The following ELK4 variants were observed in gnomAD, a reference collection of about 807,000 sequenced individuals.
ELK4 encodes ETS domain-containing protein Elk-4.
ELK4 carries 16 observed loss-of-function variants against 29.6 expected under a neutral mutation model. The observed-to-expected ratio is 0.54, with a 90% CI of 0.37 to 0.82. The LOEUF (loss-of-function observed/expected upper bound fraction) is 0.82. ELK4 is among the 40% of genes least tolerant of loss of function. The pLI, the probability that ELK4 is intolerant of heterozygous loss-of-function variation, is 0.00. For missense variants in ELK4, 465 were observed against 507.1 expected (o/e 0.92, Z 0.80); for synonymous variants, 213 against 191.1 (o/e 1.11, Z -0.95).
intron 3 of ELK4, 181 bp from the exon 4 acceptor site, chr1:205,619,254 G>A (rs1330527099): frequency 7.5e-6 from 8 of 1,061,664 alleles, no homozygotes; most frequent in African/African-American, 5.0e-5. Context: ...AGGGATAAAG[G>A]TGATAATAAC....
In ELK4 at chr1:205,620,442, C is replaced by G. The variant is rs759519297; in HGVS notation, c.604G>C (p.Glu202Gln). The G allele has an allele frequency of 4.2e-5, 68 of 1,614,026 alleles. No individual in the cohort carries two copies. The highest frequency in any genetic ancestry group is 5.3e-5 in the Non-Finnish European group (62 of 1,180,032). ...VTTPSKKPPV[E>Q]PVAATISIGP... ...ATTGAAATGGTGGCAGCAACAGGTT[C>G]AACCGGTGGCTTTTTGGAAGGTGTC... Residue 202 changes from glutamate to glutamine, a missense_variant, in exon 3 of 5, where the codon GAA becomes CAA. Physicochemically the swap from Glu to Gln is conservative, Grantham distance 29 (BLOSUM62 2). Coordinates refer to ENST00000357992, the MANE Select transcript of ELK4 (RefSeq NM_001973.4).
chr1:205,618,074 G>A (rs1456801955), intron 4 of ELK4, among the ~76,000 whole-genome samples: 3 of 151,950 alleles, frequency 2.0e-5, no homozygotes, highest in South Asian at 2.1e-4. Context: ...CACCCAGGCC[G>A]GAGTGCAGCG....
chr1:205,631,710 C>T lies in ELK4; in HGVS notation c.-88G>A. ...CTCCGCCCTCAGCCTCCTCCTCACG[C>T]TGGAAACTCGAGGACGGCGCGGCAG... On this transcript the variant is annotated 5_prime_UTR_variant, in exon 1 of 5. Coordinates refer to ENST00000357992, the MANE Select transcript of ELK4 (RefSeq NM_001973.4). The T allele has an allele frequency of 2.9e-6, 1 of 339,854 alleles. No homozygotes were observed. Among genetic ancestry groups the T allele is most frequent in the South Asian group, 2.0e-5 (1 of 50,732 alleles). The allele number at this position is 339,854 out of a possible 1,614,324, so 21.1% of individuals were successfully genotyped here.
intron 1 of ELK4, among the ~76,000 whole-genome samples, chr1:205,628,117 C>T (rs1403429726): frequency 6.6e-6 from 1 of 152,174 alleles, no homozygotes; most frequent in Non-Finnish European, 1.5e-5. Flanking sequence ...ACCTTAATGC[C>T]AAATAACCAT....
intron 4 of ELK4, among the ~76,000 whole-genome samples, chr1:205,618,084 G>A (rs952934489): frequency 1.3e-5 from 2 of 151,864 alleles, no homozygotes; most frequent in African/African-American, 4.8e-5. Flanking sequence ...GGAGTGCAGC[G>A]GTGCCATTAT....
In ELK4 at chr1:205,611,190, AT is replaced by A. The variant is rs1393832510; in HGVS notation, c.*5355del. ...TCTGGCAGGCTATCAATCTATCATA[AT>A]TTTTTTCAGAGAAGTGACTTGAAGA... On this transcript the variant is annotated 3_prime_UTR_variant, in exon 5 of 5. Transcript: ENST00000357992. The A allele has an allele frequency of 1.4e-5, 3 of 210,430 alleles. No homozygotes were observed. The highest frequency in any genetic ancestry group is 9.6e-6 in the Non-Finnish European group (1 of 103,738). The allele number at this position is 210,430 out of a possible 1,614,324, so 13.0% of individuals were successfully genotyped here.
intron 1 of ELK4, among the ~76,000 whole-genome samples, chr1:205,626,870 T>C (rs1272232716): frequency 2.0e-5 from 3 of 152,192 alleles, no homozygotes; most frequent in Non-Finnish European, 4.4e-5. Context: ...AGCAGAATTA[T>C]TCATAACATC....
chr1:205,623,016 G>C (rs958776555), intron 2 of ELK4, among the ~76,000 whole-genome samples: 9 of 151,680 alleles, frequency 5.9e-5, no homozygotes, highest in African/African-American at 2.2e-4. Context: ...AAATTAGCTG[G>C]GCGTGGTGGT....
intron 1 of ELK4, among the ~76,000 whole-genome samples, chr1:205,629,879 C>A (rs1248510860): frequency 6.6e-6 from 1 of 151,888 alleles, no homozygotes; most frequent in Non-Finnish European, 1.5e-5. Flanking sequence ...ATGTTGAAAC[C>A]CTGTCTTTAC....
At position 205,623,700 on chromosome 1, in the gene ELK4, T is replaced by C; in HGVS notation, c.183A>G (p.Arg61=). The C allele has an allele frequency of 1.2e-6, 2 of 1,614,110 alleles. No individual in the cohort carries two copies. Among genetic ancestry groups the C allele is most frequent in the South Asian group, 1.1e-5 (1 of 91,070 alleles). ...KPNMNYDKLS[R]ALRYYYVKNI... Reference sequence around the variant, plus strand: ...CCTTTACATAATAGTATCTGAGGGCTCGGCTGAGTTTGTCATAATTCATGT... The same window carrying C: ...CCTTTACATAATAGTATCTGAGGGCCCGGCTGAGTTTGTCATAATTCATGT... The change falls in exon 2 of 5, where the codon CGA becomes CGG. Residue 61 remains arginine, a synonymous_variant. Coordinates refer to ENST00000357992, the MANE Select transcript of ELK4 (RefSeq NM_001973.4).
intron 4 of ELK4, among the ~76,000 whole-genome samples, chr1:205,618,438 T>C (rs538344580): frequency 3.5e-4 from 53 of 152,030 alleles, no homozygotes; most frequent in Middle Eastern, 3.4e-3. Flanking sequence ...ATGTATGTAA[T>C]AGTAAATAAT....
chr1:205,623,312 CTTT>C (rs1224816064), intron 2 of ELK4, among the ~76,000 whole-genome samples: 9 of 137,362 alleles, frequency 6.6e-5, no homozygotes, highest in African/African-American at 1.4e-4. Context: ...AACAAGGAAT[CTTT>C]TTTTTTTTTT....
intron 1 of ELK4, among the ~76,000 whole-genome samples, chr1:205,628,816 A>G (rs1166485200): frequency 6.6e-6 from 1 of 152,060 alleles, no homozygotes; most frequent in African/African-American, 2.4e-5. Context: ...GTTGTGGAAA[A>G]TGCTGATGCT....
In ELK4 at chr1:205,610,496, A is replaced by T; in HGVS notation, c.*6050T>A. 4.4e-6 allele frequency: 1 copy of T among 229,418 alleles called. No homozygotes were observed. The allele number at this position is 229,418 out of a possible 1,614,324, so 14.2% of individuals were successfully genotyped here. A position where few individuals can be genotyped will look rare whatever the true frequency, so the allele number is the denominator to read the frequency against. ...ATAAAGATTTTACACAAAAGCAAAC[A>T]TAAATGTAGAAATTTTAAGAAAGGA... On this transcript the variant is annotated 3_prime_UTR_variant, in exon 5 of 5. Transcript: ENST00000357992.
At chr1:205,625,871 G>A (rs1670444803) in intron 1 of ELK4, 1 of 647,558 alleles carries the variant, frequency 1.5e-6, no homozygotes, top group Non-Finnish European at 2.8e-6. Context: ...TAGAGGTGGG[G>A]TTTCACCATG....
rs759393647 is a variant in ELK4, at chr1:205,608,649, C to T, written c.*7897G>A. 5.6e-5 allele frequency: 11 copies of T among 194,714 alleles called. No individual in the cohort carries two copies. Among genetic ancestry groups the T allele is most frequent in the South Asian group, 1.9e-4 (1 of 5,192 alleles). The allele number at this position is 194,714 out of a possible 1,614,324, so 12.1% of individuals were successfully genotyped here. ...TAAATTATGCTGAAATCAACTAAGA[C>T]GAGCTATTATTAACACTTTAACAGT... On this transcript the variant is annotated 3_prime_UTR_variant, in exon 5 of 5. Transcript: ENST00000357992.
Position 205,620,115 on chromosome 1 carries a change from C to T in ELK4, c.931G>A (p.Asp311Asn), listed in dbSNP as rs1571498817. 1.8e-5 allele frequency: 29 copies of T among 1,614,044 alleles called. No individual in the cohort carries two copies. The highest frequency in any genetic ancestry group is 2.4e-5 in the Non-Finnish European group (28 of 1,180,038). ...GATCTTGATGAATTATTTACTTTGT[C>T]CTTTTCTAGCAAGACTGAATCCTGG... ...KDQDSVLLEK[D>N]KVNNSSRSKK... Residue 311 changes from aspartate to asparagine, a missense_variant, in exon 3 of 5, where the codon GAC becomes AAC. Physicochemically the swap from Asp to Asn is conservative, Grantham distance 23. This residue lies in a region of ELK4 where 385 missense variants were observed against 387.5 expected (regional missense o/e 0.99). Transcript: ENST00000357992.
At position 205,610,005 on chromosome 1, in the gene ELK4, T is replaced by C. The variant is rs780907447; in HGVS notation, c.*6541A>G. 9 of 230,362 alleles carry C rather than the reference T, an allele frequency of 3.9e-5. No homozygotes were observed. The highest frequency in any genetic ancestry group is 7.7e-5 in the Non-Finnish European group (9 of 116,274). 14.3% of individuals were successfully genotyped at this position (230,362 alleles called of 1,614,324 possible). A position where few individuals can be genotyped will look rare whatever the true frequency, so the allele number is the denominator to read the frequency against. ...TGAAATTAAACAAACAAAATAATCA[T>C]TAAGTGCTTCCAGTTATTAAAAATG... On this transcript the variant is annotated 3_prime_UTR_variant, in exon 5 of 5. Transcript: ENST00000357992.
chr1:205,613,039 A>G lies in ELK4; in HGVS notation c.*3507T>C, dbSNP rs115625671. On this transcript the variant is annotated 3_prime_UTR_variant, in exon 5 of 5. Transcript: ENST00000357992. ...ATTCTTTTTTTTTTTTCCTGACCGTACTCCTCAAAATCCAGATTGTTTGTG... is the reference window on the plus strand; with the variant it reads ...ATTCTTTTTTTTTTTTCCTGACCGTGCTCCTCAAAATCCAGATTGTTTGTG... The G allele has an allele frequency of 0.015, 3,029 of 199,424 alleles. 47 individuals carry two copies. The highest frequency in any genetic ancestry group is 0.024 in the South Asian group (123 of 5,198). The allele number at this position is 199,424 out of a possible 1,614,324, so 12.4% of individuals were successfully genotyped here.
Sources: allele counts gnomAD v4.1 joint callset (sites outside exome capture counted in the v4.1 genomes callset), GRCh38; gene constraint gnomAD v4.1.1; regional missense constraint gnomAD v4.1.1; transcripts MANE v1.5; gene names NCBI Gene and HGNC (gene_info 2026-07-23, HGNC 2026-07-21).